The following UBE2K variants were observed in gnomAD, a reference collection of about 807,000 sequenced individuals.
UBE2K encodes the protein ubiquitin-conjugating enzyme E2 K.
In UBE2K, 6 loss-of-function variants were observed where a neutral mutation model predicts 30.0. The ratio of observed to expected loss-of-function variants is 0.20; its 90% CI spans 0.11 to 0.39. UBE2K has a LOEUF of 0.39. Among genes scored for constraint, UBE2K ranks in the 10% least tolerant of loss-of-function variants. UBE2K has a pLI of 1.00. For missense variants in UBE2K, 61 were observed against 241.6 expected, an observed-to-expected ratio of 0.25 and a Z score of 4.96; for synonymous variants, 86 against 83.7, an observed-to-expected ratio of 1.03 and a Z score of -0.15.
At chr4:39,757,024 T>C (rs1255852822) in intron 4 of UBE2K, among the ~76,000 whole-genome samples, 1 of 101,142 alleles carries the variant, frequency 9.9e-6, no homozygotes, top group Admixed American at 1.1e-4. Context: ...TTTTGTTTTT[T>C]GTTTTTTGTT....
In UBE2K at chr4:39,777,705, C is replaced by T; in HGVS notation, c.423C>T (p.Phe141=). 1 of 1,564,296 alleles carries T rather than the reference C, an allele frequency of 6.4e-7. No homozygotes were observed. The change falls in exon 6 of 7, where the codon TTC becomes TTT. Residue 141 remains phenylalanine, a synonymous_variant. Transcript: ENST00000261427. ...AGTACAAACAAAATCCCGAAATGTTCAAACAGACAGCTCGACTTTGGGCAC... is the reference window on the plus strand; with the variant it reads ...AGTACAAACAAAATCCCGAAATGTTTAAACAGACAGCTCGACTTTGGGCAC... ...ANQYKQNPEM[F]KQTARLWAHV...
At chr4:39,754,633 C>G (rs28727931) in intron 3 of UBE2K, among the ~76,000 whole-genome samples, 1 of 152,024 alleles carries the variant, frequency 6.6e-6, no homozygotes, top group East Asian at 1.9e-4. Context: ...CCTCAGCTCC[C>G]TAGTAGCTGG....
At chr4:39,702,860 TTA>T in intron 1 of UBE2K, among the ~76,000 whole-genome samples, 2 of 152,164 alleles carry the variant, frequency 1.3e-5, no homozygotes, top group East Asian at 3.9e-4. Flanking sequence ...TGTGGGATGT[TTA>T]GCAACATCCC....
chr4:39,698,153 G>GCGCGGAGGTGATTCCA lies in UBE2K; in HGVS notation c.-173_-158dup, dbSNP rs1717790856. ...GACCCGGCGCCATTTTGGTGGCCGG[G>GCGCGGAGGTGATTCCA]CGCGGAGGTGATTCCACACTGAGGC... On this transcript the variant is annotated 5_prime_UTR_variant, in exon 1 of 7. Coordinates refer to ENST00000261427, the MANE Select transcript of UBE2K (RefSeq NM_005339.5). 1 of 671,188 alleles carries GCGCGGAGGTGATTCCA rather than the reference G, an allele frequency of 1.5e-6. No homozygotes were observed. The highest frequency in any genetic ancestry group is 1.8e-5 in the African/African-American group (1 of 56,296). The allele number at this position is 671,188 out of a possible 1,614,324, so 41.6% of individuals were successfully genotyped here.
intron 1 of UBE2K, among the ~76,000 whole-genome samples, chr4:39,698,593 C>A (rs1717830704): frequency 6.6e-6 from 1 of 151,980 alleles, no homozygotes; most frequent in Non-Finnish European, 1.5e-5. Context: ...GTCTCGCGGG[C>A]GGGTGGTCTG....
At chr4:39,701,714 T>A (rs1042829074) in intron 1 of UBE2K, among the ~76,000 whole-genome samples, 3 of 152,116 alleles carry the variant, frequency 2.0e-5, no homozygotes, top group African/African-American at 7.2e-5. Context: ...GAAATAAGTG[T>A]TACCTATAAT....
At chr4:39,707,263 A>G (rs1280920323) in intron 1 of UBE2K, among the ~76,000 whole-genome samples, 1 of 151,834 alleles carries the variant, frequency 6.6e-6, no homozygotes. Flanking sequence ...CCCAGGCTGG[A>G]GTGCGGTGAC....
chr4:39,740,920 T>G (rs994131248), intron 2 of UBE2K, among the ~76,000 whole-genome samples: 6 of 151,908 alleles, frequency 3.9e-5, no homozygotes, highest in African/African-American at 1.5e-4. Flanking sequence ...GTTTGGTCAT[T>G]TTTTTTCTTT....
intron 1 of UBE2K, among the ~76,000 whole-genome samples, chr4:39,716,242 CTATT>C (rs1002308474): frequency 6.6e-6 from 1 of 150,936 alleles, no homozygotes; most frequent in Non-Finnish European, 1.5e-5. Context: ...TCAGGATGGA[CTATT>C]TATTTATTTG....
At chr4:39,759,989 A>G (rs1711785211) in intron 4 of UBE2K, among the ~76,000 whole-genome samples, 1 of 152,030 alleles carries the variant, frequency 6.6e-6, no homozygotes, top group Non-Finnish European at 1.5e-5. Context: ...CAGCCTGGCC[A>G]ACATGGTGAA....
chr4:39,714,532 A>ATT (rs1560343638), intron 1 of UBE2K: 26 of 27,440 alleles, frequency 9.5e-4, no homozygotes, highest in African/African-American at 8.1e-3. Context: ...ATATATATAT[A>ATT]TATATATATA....
chr4:39,734,679 G>T lies in UBE2K; in HGVS notation c.64-2741G>T, dbSNP rs182258066. ...TTTAAAACTTTAGCCAGGCATGGTGGTGCACACCTCTCGTCCCAGCGACTG... is the reference window on the plus strand; with the variant it reads ...TTTAAAACTTTAGCCAGGCATGGTGTTGCACACCTCTCGTCCCAGCGACTG... On this transcript the variant is annotated intron_variant, in intron 1 of 6. Transcript: ENST00000261427. Among the ~76,000 whole-genome samples, 174 of 152,218 alleles carry T rather than the reference G, an allele frequency of 1.1e-3. 6 individuals are homozygous for T. The East Asian group carries it at 0.022, about 19-fold the overall frequency.
At chr4:39,744,018 A>C (rs921854146) in intron 2 of UBE2K, among the ~76,000 whole-genome samples, 1 of 152,072 alleles carries the variant, frequency 6.6e-6, no homozygotes, top group African/African-American at 2.4e-5. Flanking sequence ...ACATGCCACA[A>C]TACCCGGCTA....
chr4:39,757,025 G>GTTTTT (rs1462859142), intron 4 of UBE2K, among the ~76,000 whole-genome samples: 2 of 70,934 alleles, frequency 2.8e-5, no homozygotes, highest in African/African-American at 1.1e-4. Flanking sequence ...TTTGTTTTTT[G>GTTTTT]TTTTTTGTTT....
intron 4 of UBE2K, chr4:39,770,345 G>T (rs1337690251): frequency 1.2e-6 from 2 of 1,613,420 alleles, no homozygotes; most frequent in Non-Finnish European, 1.7e-6. Context: ...GGTTGAGGTT[G>T]TTGCTGTGGT....
chr4:39,721,569 C>T (rs1315147728), intron 1 of UBE2K, among the ~76,000 whole-genome samples: 1 of 152,050 alleles, frequency 6.6e-6, no homozygotes, highest in Non-Finnish European at 1.5e-5. Flanking sequence ...GTTGCCCAGG[C>T]TGGTCTTGAA....
intron 1 of UBE2K, among the ~76,000 whole-genome samples, chr4:39,729,400 C>T (rs1719947124): frequency 6.6e-6 from 1 of 152,040 alleles, no homozygotes; most frequent in Non-Finnish European, 1.5e-5. Flanking sequence ...GATTTTTCCC[C>T]TCTCCCTCAA....
intron 4 of UBE2K, among the ~76,000 whole-genome samples, chr4:39,769,801 C>T (rs1444823765): frequency 6.6e-6 from 1 of 151,926 alleles, no homozygotes; most frequent in Non-Finnish European, 1.5e-5. Context: ...TCCACATACA[C>T]ATGCGCCTCT....
At position 39,739,740 on chromosome 4, in the gene UBE2K, G is replaced by A. The variant is rs140941188; in HGVS notation, c.157+2227G>A. On this transcript the variant is annotated intron_variant, in intron 2 of 6. Coordinates refer to ENST00000261427, the MANE Select transcript of UBE2K (RefSeq NM_005339.5). ...GATTACAGGCGTGAGCCACCGCACC[G>A]CACCCAGCCCATTTTTTTCTTTCTT... Among the ~76,000 whole-genome samples the A allele has an allele frequency of 1.1e-4, 17 of 151,822 alleles. No homozygotes were observed. In the East Asian group the frequency reaches 2.5e-3, roughly 22 times the overall value.
Sources: allele counts gnomAD v4.1 joint callset (sites outside exome capture counted in the v4.1 genomes callset), GRCh38; gene constraint gnomAD v4.1.1; transcripts MANE v1.5; gene names NCBI Gene and HGNC (gene_info 2026-07-23, HGNC 2026-07-21).